NOS1AP: variants seen among roughly 807,000 people sequenced by gnomAD.
NOS1AP encodes carboxyl-terminal PDZ ligand of neuronal nitric oxide synthase protein.
In NOS1AP, 21 loss-of-function variants were observed where a neutral mutation model predicts 56.2. The observed-to-expected ratio is 0.37, with a 90% CI of 0.26 to 0.54. The LOEUF is 0.54. Ranked by LOEUF, NOS1AP falls within the 20% of genes least tolerant of loss-of-function variation. The probability of loss-of-function intolerance (pLI) is 0.84; values close to 1 mark genes in which losing one functional copy is unlikely to be tolerated. For synonymous variants in NOS1AP, 270 were observed against 274.6 expected (o/e 0.98, Z 0.17); for missense variants, 522 against 657.8 (o/e 0.79, Z 2.26).
Position 162,360,088 on chromosome 1 carries a change from TCA to T in NOS1AP, c.939+2955_939+2956del, listed in dbSNP as rs576300841. Among the ~76,000 whole-genome samples, 240 of 150,274 alleles carry T rather than the reference TCA, an allele frequency of 1.6e-3. 3 individuals carry two copies. The highest frequency in any genetic ancestry group is 4.8e-3 in the African/African-American group (198 of 40,934). On this transcript the variant is annotated intron_variant, in intron 8 of 9. Coordinates refer to ENST00000361897, the MANE Select transcript of NOS1AP (RefSeq NM_014697.3). The stretch of plus-strand genomic sequence containing the variant: ...CATGGGGACCAGGCTTAGGTTTCCT[TCA>T]CAGTGTCCTGATTTGGTCTAAGACC...
At chr1:162,115,410 T>A (rs895971205) in intron 1 of NOS1AP, among the ~76,000 whole-genome samples, 1 of 151,576 alleles carries the variant, frequency 6.6e-6, no homozygotes, top group African/African-American at 2.4e-5. Flanking sequence ...TTTTTTTTTT[T>A]AAAGAAGGTA....
At chr1:162,211,661 G>C (rs533976014) in intron 2 of NOS1AP, among the ~76,000 whole-genome samples, 5 of 152,220 alleles carry the variant, frequency 3.3e-5, no homozygotes, top group African/African-American at 1.2e-4. Flanking sequence ...CTTCCTGTCC[G>C]AACTCTTTCT....
At chr1:162,231,408 A>T (rs148264312) in intron 2 of NOS1AP, among the ~76,000 whole-genome samples, 204 of 152,298 alleles carry the variant, frequency 1.3e-3, no homozygotes, top group African/African-American at 4.7e-3. Flanking sequence ...CATGATTTGG[A>T]AACATTTTCT....
At chr1:162,333,189 T>C in intron 5 of NOS1AP, 64 bp downstream of exon 5, 4 of 1,103,020 alleles carry the variant, frequency 3.6e-6, no homozygotes, top group Non-Finnish European at 5.5e-6. Context: ...CCCCCAACAT[T>C]GGCCCGTCTC....
chr1:162,242,595 C>T lies in NOS1AP; in HGVS notation c.178-44749C>T, dbSNP rs561867491. 3.3e-5 allele frequency among the ~76,000 whole-genome samples: 5 copies of T among 152,322 alleles called. No homozygotes were observed. The South Asian group carries it at 1.0e-3, about 32-fold the overall frequency. On this transcript the variant is annotated intron_variant, in intron 2 of 9. Coordinates refer to ENST00000361897, the MANE Select transcript of NOS1AP (RefSeq NM_014697.3). ...AGCCCTAGCCAACATCTTACTGTAA[C>T]TGCACGCAAAACCCCAAGCAAGAAC...
intron 1 of NOS1AP, among the ~76,000 whole-genome samples, chr1:162,071,092 A>G (rs1691651599): frequency 6.6e-6 from 1 of 152,230 alleles, no homozygotes; most frequent in East Asian, 1.9e-4. Context: ...CTGAAACTGC[A>G]GTGGCGGTTC....
chr1:162,223,438 G>A (rs1214700958), intron 2 of NOS1AP, among the ~76,000 whole-genome samples: 2 of 151,856 alleles, frequency 1.3e-5, no homozygotes, highest in African/African-American at 4.8e-5. Context: ...GGTGGGGTGG[G>A]GGAGCTCTGT....
At chr1:162,180,832 G>A (rs554459718) in intron 2 of NOS1AP, among the ~76,000 whole-genome samples, 12 of 152,320 alleles carry the variant, frequency 7.9e-5, no homozygotes, top group Middle Eastern at 3.4e-3. Context: ...CATGTAAGCT[G>A]TATTCAGACT....
chr1:162,243,895 A>G (rs957460404), intron 2 of NOS1AP, among the ~76,000 whole-genome samples: 1 of 152,080 alleles, frequency 6.6e-6, no homozygotes, highest in Non-Finnish European at 1.5e-5. Context: ...AGTGGCAGGA[A>G]CTGATTAGGA....
intron 4 of NOS1AP, among the ~76,000 whole-genome samples, chr1:162,332,724 A>G (rs925793348): frequency 6.6e-6 from 1 of 152,172 alleles, no homozygotes; most frequent in African/African-American, 2.4e-5. Context: ...TCCTTCTAAC[A>G]TACAAGTTAC....
At chr1:162,135,701 C>T (rs183175775) in intron 1 of NOS1AP, among the ~76,000 whole-genome samples, 8 of 152,198 alleles carry the variant, frequency 5.3e-5, no homozygotes, top group Non-Finnish European at 8.8e-5. Context: ...TCTGGAAACT[C>T]GGGGACGGTG....
intron 2 of NOS1AP, among the ~76,000 whole-genome samples, chr1:162,261,857 A>G (rs1654253306): frequency 6.6e-6 from 1 of 152,202 alleles, no homozygotes; most frequent in South Asian, 2.1e-4. Flanking sequence ...CGGTAAACAG[A>G]TGATTGTAAT....
At chr1:162,354,167 C>T (rs1657613108) in intron 6 of NOS1AP, among the ~76,000 whole-genome samples, 1 of 152,222 alleles carries the variant, frequency 6.6e-6, no homozygotes, top group Non-Finnish European at 1.5e-5. Context: ...GCCTGGTTGC[C>T]TGGGCTAGCT....
intron 6 of NOS1AP, among the ~76,000 whole-genome samples, chr1:162,347,346 A>G (rs938823736): frequency 5.9e-5 from 9 of 152,268 alleles, no homozygotes; most frequent in African/African-American, 2.2e-4. Context: ...AAGTTTAACC[A>G]GAAAGTAAAG....
At chr1:162,324,386 TTG>T (rs1375508021) in intron 4 of NOS1AP, among the ~76,000 whole-genome samples, 2 of 150,854 alleles carry the variant, frequency 1.3e-5, no homozygotes, top group Non-Finnish European at 2.9e-5. Context: ...GAAAGGATTT[TTG>T]TGTAGTGGTT....
At chr1:162,219,529 C>T (rs1275740196) in intron 2 of NOS1AP, among the ~76,000 whole-genome samples, 3 of 152,144 alleles carry the variant, frequency 2.0e-5, no homozygotes, top group Non-Finnish European at 4.4e-5. Context: ...GACCCCCTGC[C>T]ACACAAAAAG....
rs1278907614 is a variant in NOS1AP at position 162,069,723 on chromosome 1, G to A, written c.-455G>A. 6.5e-6 allele frequency: 1 copy of A among 153,136 alleles called. No individual in the cohort carries two copies. Among genetic ancestry groups the A allele is most frequent in the East Asian group, 1.9e-4 (1 of 5,194 alleles). 9.5% of individuals were successfully genotyped at this position (153,136 alleles called of 1,614,324 possible). A position where few individuals can be genotyped will look rare whatever the true frequency, so the allele number is the denominator to read the frequency against. ...GAGCCGCTCGCTGGCGGCTGATCCA[G>A]CGTCTCCGTGACAGGCACCCTGCTC... On this transcript the variant is annotated 5_prime_UTR_variant, in exon 1 of 10. Transcript: ENST00000361897.
intron 4 of NOS1AP, among the ~76,000 whole-genome samples, chr1:162,308,358 G>T (rs1005018163): frequency 6.6e-6 from 1 of 152,218 alleles, no homozygotes; most frequent in Non-Finnish European, 1.5e-5. Context: ...GAGACATAGA[G>T]TATGTGATGT....
chr1:162,300,806 A>T, intron 4 of NOS1AP, 100 bp downstream of exon 4: 1 of 976,564 alleles, frequency 1.0e-6, no homozygotes, highest in South Asian at 1.3e-5. Context: ...AAATTTAAAT[A>T]AACTTCTATG....
Sources: allele counts gnomAD v4.1 joint callset (sites outside exome capture counted in the v4.1 genomes callset), GRCh38; gene constraint gnomAD v4.1.1; transcripts MANE v1.5; gene names NCBI Gene and HGNC (gene_info 2026-07-23, HGNC 2026-07-21).